Variants in CBFB observed in about 807,000 individuals in gnomAD.
The protein encoded by CBFB is core-binding factor subunit beta.
In CBFB, 9 loss-of-function variants were observed where a neutral mutation model predicts 30.4. The observed-to-expected ratio is 0.30, with a 90% CI of 0.18 to 0.52. CBFB has a LOEUF of 0.52. Ranked by LOEUF, CBFB falls within the 20% of genes least tolerant of loss-of-function variation. CBFB has a pLI of 0.97. For missense variants in CBFB, 170 were observed against 244.0 expected, an observed-to-expected ratio of 0.70 and a Z score of 2.02; for synonymous variants, 94 against 84.0, an observed-to-expected ratio of 1.12 and a Z score of -0.65.
chr16:67,076,445 C>T (rs915555733), intron 4 of CBFB, among the ~76,000 whole-genome samples: 1 of 152,052 alleles, frequency 6.6e-6, no homozygotes, highest in Admixed American at 6.6e-5. Context: ...TGTAAAAGTA[C>T]AAAATCAGGT....
intron 5 of CBFB, among the ~76,000 whole-genome samples, chr16:67,088,675 G>C (rs1961795394): frequency 2.0e-5 from 3 of 152,210 alleles, no homozygotes; most frequent in African/African-American, 7.2e-5. Context: ...TGGTCCTGAT[G>C]CCTGACTGGA....
intron 3 of CBFB, among the ~76,000 whole-genome samples, chr16:67,051,453 A>G (rs1966737738): frequency 6.6e-6 from 1 of 152,006 alleles, no homozygotes; most frequent in Non-Finnish European, 1.5e-5. Flanking sequence ...CAAAATATAT[A>G]TCCAAAATAA....
chr16:67,075,197 A>AAATGTGTGTG (rs1555538290), intron 4 of CBFB, among the ~76,000 whole-genome samples: 4 of 142,662 alleles, frequency 2.8e-5, no homozygotes, highest in African/African-American at 7.7e-5. Flanking sequence ...CTCAAAAAAA[A>AAATGTGTGTG]TGTGTGTGTG....
At chr16:67,075,534 C>T (rs933642319) in intron 4 of CBFB, among the ~76,000 whole-genome samples, 1 of 151,632 alleles carries the variant, frequency 6.6e-6, no homozygotes, top group African/African-American at 2.4e-5. Context: ...TGTAAATATG[C>T]AAGCTGCGCA....
chr16:67,064,808 A>C (rs551451424), intron 3 of CBFB, among the ~76,000 whole-genome samples: 2 of 152,162 alleles, frequency 1.3e-5, no homozygotes, highest in Admixed American at 1.3e-4. Context: ...TGGTGCAGAA[A>C]TGGGTTTTTG....
At chr16:67,073,104 T>C (rs1045056208) in intron 4 of CBFB, among the ~76,000 whole-genome samples, 2 of 152,178 alleles carry the variant, frequency 1.3e-5, no homozygotes, top group Non-Finnish European at 2.9e-5. Flanking sequence ...ACATCTTCAA[T>C]TGAGTGTCTG....
Position 67,037,666 on chromosome 16 carries a change from A to ATTTTTTT in CBFB, c.282+924_282+930dup, listed in dbSNP as rs35804914. On this transcript the variant is annotated intron_variant, in intron 3 of 5. Transcript: ENST00000412916. ...CGTTAAATGTATTATGATTTTGGTA[A>ATTTTTTT]TTTTTTTTTTTTTTTTTTTGAGATG... Among the ~76,000 whole-genome samples, 547 of 129,258 alleles carry ATTTTTTT rather than the reference A, an allele frequency of 4.2e-3. 13 individuals are homozygous for ATTTTTTT. The highest frequency in any genetic ancestry group is 0.016 in the African/African-American group (506 of 32,384). The allele number at this position is 129,258 out of a possible 152,430, so 84.8% of individuals were successfully genotyped here.
At chr16:67,081,014 G>A (rs759533745) in intron 4 of CBFB, among the ~76,000 whole-genome samples, 20 of 151,722 alleles carry the variant, frequency 1.3e-4, no homozygotes, top group Non-Finnish European at 2.2e-4. Flanking sequence ...TTTAGGGTAC[G>A]TGTACACAAT....
chr16:67,054,930 ATT>A (rs751572190), intron 3 of CBFB, among the ~76,000 whole-genome samples: 35 of 122,666 alleles, frequency 2.9e-4, no homozygotes, highest in Non-Finnish European at 4.4e-4. Flanking sequence ...AATTTTTTGT[ATT>A]TTTTTTTTTT....
At chr16:67,096,346 G>A (rs1247591364) in intron 5 of CBFB, among the ~76,000 whole-genome samples, 8 of 151,886 alleles carry the variant, frequency 5.3e-5, no homozygotes. Flanking sequence ...TTAATTCATG[G>A]AAAGTACTTA....
chr16:67,070,993 C>T (rs997766508), intron 4 of CBFB, among the ~76,000 whole-genome samples: 1 of 152,140 alleles, frequency 6.6e-6, no homozygotes, highest in African/African-American at 2.4e-5. Context: ...TAAGTGCCAT[C>T]TGTTGTGATA....
chr16:67,037,773 A>C (rs1408633531), intron 3 of CBFB, among the ~76,000 whole-genome samples: 1 of 147,914 alleles, frequency 6.8e-6, no homozygotes, highest in Non-Finnish European at 1.5e-5. Context: ...GTTTTAAGCT[A>C]TTCTCCTGCC....
At chr16:67,091,129 C>T (rs1456818259) in intron 5 of CBFB, among the ~76,000 whole-genome samples, 2 of 152,070 alleles carry the variant, frequency 1.3e-5, no homozygotes, top group East Asian at 3.8e-4. Context: ...GAATGAGAAT[C>T]GGAAGAAGAT....
chr16:67,048,734 T>C (rs1268362353), intron 3 of CBFB, among the ~76,000 whole-genome samples: 1 of 151,514 alleles, frequency 6.6e-6, no homozygotes, highest in African/African-American at 2.4e-5. Context: ...TGTATTTTTT[T>C]AGTAGAGACG....
At chr16:67,089,531 T>A (rs1339111080) in intron 5 of CBFB, among the ~76,000 whole-genome samples, 1 of 152,238 alleles carries the variant, frequency 6.6e-6, no homozygotes, top group African/African-American at 2.4e-5. Context: ...TTGCTATCTC[T>A]ATTCTCTGGC....
chr16:67,062,540 C>T (rs991498746), intron 3 of CBFB, among the ~76,000 whole-genome samples: 1 of 150,770 alleles, frequency 6.6e-6, no homozygotes, highest in African/African-American at 2.4e-5. Flanking sequence ...CCCTGTAACC[C>T]GAGCACTCTG....
At chr16:67,040,554 C>T (rs1966512320) in intron 3 of CBFB, among the ~76,000 whole-genome samples, 2 of 152,196 alleles carry the variant, frequency 1.3e-5, no homozygotes, top group Middle Eastern at 3.4e-3. Context: ...GTGTTTTGAC[C>T]ACTACTGTAC....
intron 3 of CBFB, among the ~76,000 whole-genome samples, chr16:67,055,605 C>G (rs574572781): frequency 6.6e-6 from 1 of 151,972 alleles, no homozygotes; most frequent in Non-Finnish European, 1.5e-5. Context: ...ATCCATCTGC[C>G]TCGGCCTCCC....
At chr16:67,030,303 G>A (rs964677121) in intron 2 of CBFB, 2 of 153,594 alleles carry the variant, frequency 1.3e-5, no homozygotes, top group African/African-American at 4.9e-5. Flanking sequence ...GAGGGGAGGG[G>A]GGGGAAAAGG....
Sources: allele counts gnomAD v4.1 joint callset (sites outside exome capture counted in the v4.1 genomes callset), GRCh38; gene constraint gnomAD v4.1.1; transcripts MANE v1.5; gene names NCBI Gene and HGNC (gene_info 2026-07-23, HGNC 2026-07-21).